Variants in SLC12A4 observed in about 807,000 individuals in gnomAD.
The protein encoded by SLC12A4 is electroneutral potassium-chloride cotransporter 1.
SLC12A4 carries 84 observed loss-of-function variants against 119.2 expected under a neutral mutation model. The ratio of observed to expected loss-of-function variants is 0.70; its 90% CI spans 0.59 to 0.85. The LOEUF (loss-of-function observed/expected upper bound fraction) is 0.85, where lower values mean the gene tolerates loss of function less well. Ranked by LOEUF, SLC12A4 falls within the 40% of genes least tolerant of loss-of-function variation. The pLI is 0.00. For missense variants in SLC12A4, 1,298 were observed against 1,476.3 expected (o/e 0.88, Z 1.98); for synonymous variants, 599 against 604.6 (o/e 0.99, Z 0.14).
chr16:67,961,771 C>G (rs1189644619), intron 2 of SLC12A4, 65 bp from the exon 3 acceptor site: 5 of 1,596,688 alleles, frequency 3.1e-6, no homozygotes, highest in Non-Finnish European at 4.3e-6. Context: ...GTGGAGCCAG[C>G]TGCCTGGTCC....
chr16:67,954,220 C>G (rs1287903016), intron 6 of SLC12A4: 1 of 345,160 alleles, frequency 2.9e-6, no homozygotes. Flanking sequence ...GCTGCTTACC[C>G]TGATTGAAGG....
intron 6 of SLC12A4, among the ~76,000 whole-genome samples, chr16:67,953,178 A>G (rs1048198713): frequency 6.6e-6 from 1 of 152,032 alleles, no homozygotes; most frequent in East Asian, 1.9e-4. Context: ...CCTGAGCTCA[A>G]GAGTTCGAGA....
chr16:67,964,013 A>G, intron 1 of SLC12A4: 2 of 1,550,892 alleles, frequency 1.3e-6, no homozygotes, highest in Non-Finnish European at 1.7e-6. Context: ...CGCACACAGC[A>G]CCTTCGGCTG....
intron 14 of SLC12A4, 125 bp from the exon 15 acceptor site, chr16:67,947,913 G>A: frequency 6.8e-7 from 1 of 1,476,980 alleles, no homozygotes. Context: ...TCAGGTCACT[G>A]GGTGTAAGAC....
chr16:67,950,952 G>A lies in SLC12A4; in HGVS notation c.1396+10C>T, dbSNP rs781404465. On this transcript the variant is annotated intron_variant, in intron 10 of 23. Coordinates refer to ENST00000316341, the MANE Select transcript of SLC12A4 (RefSeq NM_005072.5). This position sits in a 1 kb window ranked among gnomAD's most constrained non-coding sequence, Gnocchi z 4.3. The stretch of plus-strand genomic sequence containing the variant: ...TCTGCCCCACCTGCCCCAGGCCTGG[G>A]AAAGGATACACACGAGGGAAGTTGT... 6 of 1,612,272 alleles carry A rather than the reference G, an allele frequency of 3.7e-6. No homozygotes were observed. In the Admixed American group the frequency reaches 5.0e-5, roughly 13 times the overall value.
rs376276085 is a variant in SLC12A4, at chr16:67,945,143, C to T, written c.3110G>A (p.Arg1037His). Reference sequence around the variant, plus strand: ...GCCAGGCATGTTTAGGAGAACCAGGCGGGCGTCGTGGGAGCGCGTGACAAT... The same window carrying T: ...GCCAGGCATGTTTAGGAGAACCAGGTGGGCGTCGTGGGAGCGCGTGACAAT... ...EVIVTRSHDA[R>H]LVLLNMPGPP... The change falls in exon 23 of 24, where the codon CGC (arginine) becomes CAC (histidine). Residue 1037 changes from arginine (R) to histidine (H), a missense_variant. Transcript: ENST00000316341. 2.4e-5 allele frequency: 38 copies of T among 1,599,650 alleles called. No individual in the cohort carries two copies. Among genetic ancestry groups the T allele is most frequent in the Non-Finnish European group, 2.6e-5 (31 of 1,171,924 alleles).
In SLC12A4 at chr16:67,945,392, G is replaced by A; in HGVS notation, c.3009C>T (p.Phe1003=). The A allele has an allele frequency of 1.9e-6, 3 of 1,613,894 alleles. No homozygotes were observed. In the South Asian group the frequency reaches 3.3e-5, roughly 18 times the overall value. The part of the protein sequence containing the change: ...TWDPSHAPDN[F]RELVHIKPDQ... ...ACGGCTTAATGTGCACCAGCTCCCG[G>A]AAATTGTCAGGGGCATGGCTGGGGT... The change falls in exon 22 of 24, where the codon TTC becomes TTT. Residue 1003 remains phenylalanine (F), a synonymous_variant. Transcript: ENST00000316341.
chr16:67,947,697 T>C lies in SLC12A4; in HGVS notation c.1939A>G (p.Met647Val), dbSNP rs1267280861. The C allele has an allele frequency of 1.3e-6, 2 of 1,596,952 alleles. No homozygotes were observed. Among genetic ancestry groups the C allele is most frequent in the Non-Finnish European group, 1.7e-6 (2 of 1,172,130 alleles). Residue 647 changes from methionine (M) to valine (V), a missense_variant, in exon 15 of 24, where the codon ATG becomes GTG. By Grantham distance (21) the Met-to-Val change is conservative. Transcript: ENST00000316341. ...YALVAMLIAG[M>V]IYKYIEYQGA... ...TGGTACTCGATGTATTTGTAGATCA[T>C]GCCGGCGATGAGCATGGCCACCAGG...
Position 67,947,731 on chromosome 16 carries a change from C to A in SLC12A4, c.1905G>T (p.Trp635Cys), listed in dbSNP as rs866069420. The stretch of plus-strand genomic sequence containing the variant: ...TGAGCATGGCCACCAGGGCATAGTA[C>A]CAGGAGGAGACAAACATAAGGGCCA... ...LCLALMFVSS[W>C]YYALVAMLIA... The change falls in exon 15 of 24, where the codon TGG (tryptophan) becomes TGT (cysteine). Residue 635 changes from tryptophan to cysteine, a missense_variant. Coordinates refer to ENST00000316341, the MANE Select transcript of SLC12A4 (RefSeq NM_005072.5). The A allele has an allele frequency of 6.2e-7, 1 of 1,600,878 alleles. No homozygotes were observed. The highest frequency in any genetic ancestry group is 1.7e-5 in the Admixed American group (1 of 58,014).
At chr16:67,947,633 T>G (rs1040428796) in intron 15 of SLC12A4, 36 bp downstream of exon 15, 1 of 1,582,578 alleles carries the variant, frequency 6.3e-7, no homozygotes. Flanking sequence ...CCGGGCCCCC[T>G]CAGCTGGCAG....
intron 2 of SLC12A4, chr16:67,962,616 G>C (rs1350223992): frequency 6.6e-6 from 1 of 152,248 alleles, no homozygotes; most frequent in African/African-American, 2.4e-5. Context: ...CTGAGCAGGA[G>C]GATCACTAGA....
rs570434119 is a variant in SLC12A4 at position 67,944,372 on chromosome 16, C to T, written c.*468G>A. 2.2e-4 allele frequency: 289 copies of T among 1,340,218 alleles called. 4 individuals carry two copies. In the East Asian group the frequency reaches 6.3e-3, roughly 29 times the overall value. 83.0% of individuals were successfully genotyped at this position (1,340,218 alleles called of 1,614,324 possible). On this transcript the variant is annotated 3_prime_UTR_variant, in exon 24 of 24. Transcript: ENST00000316341. This position sits in a 1 kb window ranked among gnomAD's most constrained non-coding sequence, Gnocchi z 6.6. Reference sequence around the variant, plus strand: ...TTATTGAAAAAGTCAGGCCTCAGCTCAGCTGTCTCCATTCGGCTCAGCTTG... The same window carrying T: ...TTATTGAAAAAGTCAGGCCTCAGCTTAGCTGTCTCCATTCGGCTCAGCTTG...
chr16:67,944,992 GC>G lies in SLC12A4; in HGVS notation c.3167-62del. 1 of 1,610,812 alleles carries G rather than the reference GC, an allele frequency of 6.2e-7. No homozygotes were observed. Among genetic ancestry groups the G allele is most frequent in the East Asian group, 2.2e-5 (1 of 44,838 alleles). ...TCAACGGGCAACCCGGGCCACCTGG[GC>G]CATGCCCACCCAGGGGTGCCCAGGA... On this transcript the variant is annotated intron_variant, in intron 23 of 23. Transcript: ENST00000316341. This position sits in a 1 kb window ranked among gnomAD's most constrained non-coding sequence, Gnocchi z 6.6.
At chr16:67,966,984 G>GC in intron 1 of SLC12A4, 1 of 1,096,942 alleles carries the variant, frequency 9.1e-7, no homozygotes, top group Non-Finnish European at 1.2e-6. Flanking sequence ...GGTCCAGGCT[G>GC]ATCCTGGGGA....
rs2058307786 is a variant in SLC12A4 at position 67,943,681 on chromosome 16, G to A, written c.*1159C>T. 3.7e-6 allele frequency: 2 copies of A among 539,958 alleles called. No homozygotes were observed. The highest frequency in any genetic ancestry group is 6.6e-6 in the Non-Finnish European group (2 of 302,270). 33.4% of individuals were successfully genotyped at this position (539,958 alleles called of 1,614,324 possible). ...TCTGGTGTGGCTGTGACTGACCACA[G>A]CTTGTGATGCCCCAGCCAAGACCTC... is the stretch of plus-strand genomic sequence containing the variant. On this transcript the variant is annotated 3_prime_UTR_variant, in exon 24 of 24. Transcript: ENST00000316341. This position sits in a 1 kb window ranked among gnomAD's most constrained non-coding sequence, Gnocchi z 4.6.
In SLC12A4 at chr16:67,951,697, T is replaced by C. The variant is rs2029914246; in HGVS notation, c.1132+126A>G. The C allele has an allele frequency of 2.3e-6, 2 of 867,974 alleles. No homozygotes were observed. Among genetic ancestry groups the C allele is most frequent in the Admixed American group, 2.3e-5 (1 of 42,714 alleles). The allele number at this position is 867,974 out of a possible 1,614,324, so 53.8% of individuals were successfully genotyped here. On this transcript the variant is annotated intron_variant, in intron 8 of 23. Coordinates refer to ENST00000316341, the MANE Select transcript of SLC12A4 (RefSeq NM_005072.5). The surrounding 1 kb of genome is among the most constrained non-coding windows in gnomAD (Gnocchi z 5.2). The stretch of plus-strand genomic sequence containing the variant: ...GCCAGGAGCCAGGCTGGGAGGACAC[T>C]GGGGGGCTGGGAAGGCGGCCAGTCC...
chr16:67,957,314 C>T (rs1214327517), intron 5 of SLC12A4, among the ~76,000 whole-genome samples: 2 of 151,842 alleles, frequency 1.3e-5, no homozygotes, highest in African/African-American at 4.8e-5. Flanking sequence ...GGACTACAGG[C>T]GCCCGCCACC....
In SLC12A4 at chr16:67,957,954, C is replaced by T. The variant is rs766103323; in HGVS notation, c.433G>A (p.Val145Met). ...GCCTGTAGCACACCTGCTGTGCCCACCATCCAGGTCAGCCGCAGGAAGAGG... is the reference window on the plus strand; with the variant it reads ...GCCTGTAGCACACCTGCTGTGCCCATCATCCAGGTCAGCCGCAGGAAGAGG... ...VILFLRLTWM[V>M]GTAGVLQALL... The change falls in exon 4 of 24, where the codon GTG (valine) becomes ATG (methionine). Residue 145 changes from valine to methionine, a missense_variant. Val to Met is a conservative substitution (Grantham distance 21). Transcript: ENST00000316341. 8.7e-6 allele frequency: 14 copies of T among 1,614,100 alleles called. No individual in the cohort carries two copies. Among genetic ancestry groups the T allele is most frequent in the Non-Finnish European group, 1.1e-5 (13 of 1,180,044 alleles).
chr16:67,963,483 C>T lies in SLC12A4; in HGVS notation c.192G>A (p.Arg64=), dbSNP rs868280871. The part of the protein sequence containing the change: ...EASRGIDYYD[R]NLALFEEELD... The stretch of plus-strand genomic sequence containing the variant: ...CAGCTACCTCAAACAGTGCCAGGTT[C>T]CTGTCATAGTAGTCAATTCCTCTGG... Residue 64 remains arginine (R), a synonymous_variant, in exon 2 of 24, where the codon AGG becomes AGA. Transcript: ENST00000316341. 3.8e-6 allele frequency: 6 copies of T among 1,579,002 alleles called. No individual in the cohort carries two copies. Among genetic ancestry groups the T allele is most frequent in the Admixed American group, 2.1e-5 (1 of 48,526 alleles).
Sources: gnomAD v4.1 joint callset for allele counts (sites outside exome capture counted in the v4.1 genomes callset) on GRCh38, gnomAD v4.1.1 for gene constraint, Gnocchi (gnomAD v3.1) non-coding constraint, MANE v1.5 for transcripts, NCBI Gene and HGNC (gene_info 2026-07-23, HGNC 2026-07-21) for gene names.